Variants in NXPE4 observed in about 807,000 individuals in gnomAD.
The protein encoded by NXPE4 is neurexophilin and PC-esterase domain family member 4, also known as NXPE family member 4.
Under a neutral mutation model 33.3 loss-of-function variants are expected in NXPE4, and 42 were observed. The observed-to-expected ratio is 1.26, with a 90% CI of 0.98 to 1.63. The LOEUF (loss-of-function observed/expected upper bound fraction) is 1.63. Among genes scored for constraint, NXPE4 ranks in the 40% most tolerant of loss-of-function variants. The pLI, the probability that NXPE4 is intolerant of heterozygous loss-of-function variation, is 0.00. For synonymous variants in NXPE4, 253 were observed against 234.9 expected (o/e 1.08, Z -0.71); for missense variants, 709 against 647.6 (o/e 1.09, Z -1.03).
chr11:114,606,393 C>A, the NXPE4 span, among the ~76,000 whole-genome samples: 2 of 151,770 alleles, frequency 1.3e-5, no homozygotes, highest in Non-Finnish European at 2.9e-5. Context: ...TCATGGGTAA[C>A]CACTGTTACC....
the NXPE4 span, among the ~76,000 whole-genome samples, chr11:114,615,934 G>A: frequency 2.0e-5 from 3 of 151,492 alleles, no homozygotes; most frequent in East Asian, 1.9e-4. Flanking sequence ...AATATGTATC[G>A]ACTTATGGGT....
the NXPE4 span, among the ~76,000 whole-genome samples, chr11:114,654,096 G>C: frequency 6.6e-6 from 1 of 152,114 alleles, no homozygotes; most frequent in African/African-American, 2.4e-5. Context: ...AAAGAAGCAG[G>C]AGATGAAGTT....
upstream of NXPE4, among the ~76,000 whole-genome samples, chr11:114,600,779 A>T (rs146810487): frequency 4.0e-3 from 616 of 152,208 alleles, 5 homozygotes; most frequent in South Asian, 0.029. Context: ...AATTCTGAAC[A>T]TTTGATTATT....
intron 2 of NXPE4, among the ~76,000 whole-genome samples, chr11:114,588,442 C>T (rs1177873942): frequency 6.6e-6 from 1 of 152,178 alleles, no homozygotes; most frequent in Non-Finnish European, 1.5e-5. Flanking sequence ...TGTTATGCTG[C>T]TCCTAAGCCA....
chr11:114,650,341 C>A, the NXPE4 span, among the ~76,000 whole-genome samples: 1 of 152,118 alleles, frequency 6.6e-6, no homozygotes, highest in Non-Finnish European at 1.5e-5. Flanking sequence ...GCTGGGATCA[C>A]CAGAAAAGAG....
At position 114,580,580 on chromosome 11, in the gene NXPE4, G is replaced by GA. The variant is rs35214103; in HGVS notation, c.893-243dup. Among the ~76,000 whole-genome samples, 97 of 151,544 alleles carry GA rather than the reference G, an allele frequency of 6.4e-4. 1 individual carries two copies. In the East Asian group the frequency reaches 0.015, roughly 23 times the overall value. On this transcript the variant is annotated intron_variant, in intron 4 of 5. Transcript: ENST00000375478. ...TTATAAGAGTATATGTTTCTTCCCAGAAAAAAAATGGCTTTCTGGAGGAAA... is the reference window on the plus strand; with the variant it reads ...TTATAAGAGTATATGTTTCTTCCCAGAAAAAAAAATGGCTTTCTGGAGGAAA...
At chr11:114,670,233 G>A in the NXPE4 span, among the ~76,000 whole-genome samples, 1 of 152,166 alleles carries the variant, frequency 6.6e-6, no homozygotes, top group Admixed American at 6.6e-5. Flanking sequence ...CAGATGGAGA[G>A]AGCTTAGAGA....
Position 114,582,937 on chromosome 11 carries a change from A to G in NXPE4, c.181T>C (p.Ser61Pro), listed in dbSNP as rs183638687. ...TCAGTCTCTGTTAGTGGCTTTAATGATATCAGTGGTGTTTTAGGGAATAAG... is the reference window on the plus strand; with the variant it reads ...TCAGTCTCTGTTAGTGGCTTTAATGGTATCAGTGGTGTTTTAGGGAATAAG... ...KSLFPKTPLI[S>P]LKPLTETELR... is the part of the protein sequence containing the mutation. Residue 61 changes from serine to proline, a missense_variant, in exon 3 of 6, where the codon TCA (serine) becomes CCA (proline). Transcript: ENST00000375478. 974 of 1,614,016 alleles carry G rather than the reference A, an allele frequency of 6.0e-4. 6 individuals carry two copies. The highest frequency in any genetic ancestry group is 2.4e-4 in the Non-Finnish European group (285 of 1,180,018).
rs1591340377 is a variant in NXPE4 at position 114,583,387 on chromosome 11, T to C, written c.97-366A>G. 3 of 625,472 alleles carry C rather than the reference T, an allele frequency of 4.8e-6. No individual in the cohort carries two copies. In the East Asian group the frequency reaches 1.1e-4, roughly 24 times the overall value. The allele number at this position is 625,472 out of a possible 1,614,324, so 38.7% of individuals were successfully genotyped here. ...TGACTCATAATTTGCTGCTCAACTA[T>C]GGTTTCTACTGAAAAATGGAAACCC... On this transcript the variant is annotated intron_variant, in intron 2 of 5. Coordinates refer to ENST00000375478, the MANE Select transcript of NXPE4 (RefSeq NM_001077639.2).
chr11:114,623,073 T>C, the NXPE4 span, among the ~76,000 whole-genome samples: 1 of 152,146 alleles, frequency 6.6e-6, no homozygotes, highest in Admixed American at 6.5e-5. Flanking sequence ...GGGTAACCAC[T>C]GTTATCTGGT....
chr11:114,630,814 A>G, the NXPE4 span, among the ~76,000 whole-genome samples: 2 of 151,950 alleles, frequency 1.3e-5, no homozygotes, highest in Non-Finnish European at 2.9e-5. Context: ...AATGAACTCA[A>G]ACAAATTTAC....
chr11:114,642,232 C>A, the NXPE4 span, among the ~76,000 whole-genome samples: 1 of 151,868 alleles, frequency 6.6e-6, no homozygotes, highest in Non-Finnish European at 1.5e-5. Flanking sequence ...TCAAAAAACC[C>A]GGTCTAACAA....
At chr11:114,673,568 C>T in the NXPE4 span, among the ~76,000 whole-genome samples, 1 of 151,492 alleles carries the variant, frequency 6.6e-6, no homozygotes, top group Non-Finnish European at 1.5e-5. Context: ...AATTGACAAA[C>T]CTGTAGCTAG....
upstream of NXPE4, among the ~76,000 whole-genome samples, chr11:114,598,853 C>A (rs1449627158): frequency 6.7e-6 from 1 of 150,034 alleles, no homozygotes; most frequent in East Asian, 2.0e-4. Context: ...CCCATTGTCT[C>A]CACCTGCAGG....
the NXPE4 span, among the ~76,000 whole-genome samples, chr11:114,603,725 A>G: frequency 1.3e-5 from 2 of 151,064 alleles, no homozygotes; most frequent in African/African-American, 4.9e-5. Context: ...CTCCTAGTTA[A>G]CTCCTATTAC....
At chr11:114,631,906 G>C in the NXPE4 span, among the ~76,000 whole-genome samples, 1 of 151,262 alleles carries the variant, frequency 6.6e-6, no homozygotes, top group African/African-American at 2.4e-5. Context: ...ATTGCCTCGT[G>C]GGTCACTACT....
At position 114,594,653 on chromosome 11, in the gene NXPE4, G is replaced by A. The variant is rs1243978505; in HGVS notation, c.96+11C>T. ...AGCTTCTGTAAACCACATAAATAAA[G>A]CATTTCCTACCTTTGTGGAGTTCTG... On this transcript the variant is annotated intron_variant, in intron 2 of 5. Coordinates refer to ENST00000375478, the MANE Select transcript of NXPE4 (RefSeq NM_001077639.2). The A allele has an allele frequency of 1.4e-5, 21 of 1,550,482 alleles. No homozygotes were observed. The highest frequency in any genetic ancestry group is 1.9e-5 in the Non-Finnish European group (21 of 1,129,664).
At position 114,571,210 on chromosome 11, in the gene NXPE4, G is replaced by A; in HGVS notation, c.1363C>T (p.His455Tyr). 6.2e-7 allele frequency: 1 copy of A among 1,614,000 alleles called. No individual in the cohort carries two copies. Among genetic ancestry groups the A allele is most frequent in the Non-Finnish European group, 8.5e-7 (1 of 1,179,946 alleles). The change falls in exon 6 of 6, where the codon CAC (histidine) becomes TAC (tyrosine). Residue 455 changes from histidine (H) to tyrosine (Y), a missense_variant. Physicochemically the swap from His to Tyr is moderately conservative, Grantham distance 83. Coordinates refer to ENST00000375478, the MANE Select transcript of NXPE4 (RefSeq NM_001077639.2). ...AGAAGAAGATGCTGAATGGCTTTGT[G>A]GACATTGAGGGCCCTTCGGATAAAA... ...DVFIRRALNV[H>Y]KAIQHLLLRS...
the NXPE4 span, among the ~76,000 whole-genome samples, chr11:114,620,527 G>A: frequency 3.3e-5 from 5 of 151,356 alleles, no homozygotes; most frequent in Non-Finnish European, 5.9e-5. Context: ...ACTTTAAGGC[G>A]GTAGATAATA....
Sources: allele counts gnomAD v4.1 joint callset (sites outside exome capture counted in the v4.1 genomes callset), GRCh38; gene constraint gnomAD v4.1.1; transcripts MANE v1.5; gene names NCBI Gene and HGNC (gene_info 2026-07-23, HGNC 2026-07-21).